The following SLC30A9 variants were observed in gnomAD, a reference collection of about 807,000 sequenced individuals.
The protein encoded by SLC30A9 is proton-coupled zinc antiporter SLC30A9, mitochondrial.
A neutral mutation model predicts 87.5 loss-of-function variants in SLC30A9; 58 were observed. The ratio of observed to expected loss-of-function variants is 0.66; its 90% CI spans 0.54 to 0.82. The LOEUF (loss-of-function observed/expected upper bound fraction) is 0.82, where lower values mean the gene tolerates loss of function less well. SLC30A9 is among the 40% of genes least tolerant of loss of function. The pLI, the probability that SLC30A9 is intolerant of heterozygous loss-of-function variation, is 0.00. For synonymous variants in SLC30A9, 234 were observed against 233.0 expected, an observed-to-expected ratio of 1.00 and a Z score of -0.04; for missense variants, 557 against 679.1, an observed-to-expected ratio of 0.82 and a Z score of 2.00.
At chr4:42,059,962 A>T (rs988702393) in intron 9 of SLC30A9, among the ~76,000 whole-genome samples, 1 of 151,796 alleles carries the variant, frequency 6.6e-6, no homozygotes, top group African/African-American at 2.4e-5. Context: ...GATTTTTTTT[A>T]GGTTGCTTTC....
intron 2 of SLC30A9, among the ~76,000 whole-genome samples, chr4:42,012,292 G>T (rs1715478722): frequency 6.6e-6 from 1 of 152,126 alleles, no homozygotes; most frequent in South Asian, 2.1e-4. Flanking sequence ...GCAAAAATAT[G>T]CAGAAAGCAA....
At chr4:42,028,954 A>T (rs2343620) in intron 6 of SLC30A9, among the ~76,000 whole-genome samples, 190 of 152,360 alleles carry the variant, frequency 1.2e-3, no homozygotes, top group Non-Finnish European at 1.6e-3. Context: ...ACAGTGCTTA[A>T]ATACAAAACT....
chr4:41,992,483 T>C (rs1714494509), intron 1 of SLC30A9, among the ~76,000 whole-genome samples: 1 of 152,228 alleles, frequency 6.6e-6, no homozygotes. Context: ...GGCTGTTAAA[T>C]TTAGTCTAAA....
chr4:41,990,668 C>T lies in SLC30A9; in HGVS notation c.17C>T (p.Ala6Val), dbSNP rs1470848595. The T allele has an allele frequency of 6.2e-7, 1 of 1,606,120 alleles. No individual in the cohort carries two copies. The highest frequency in any genetic ancestry group is 1.7e-4 in the Middle Eastern group (1 of 5,930). Residue 6 changes from alanine (A) to valine (V), a missense_variant, in exon 1 of 18, where the codon GCC (alanine) becomes GTC (valine). Physicochemically the swap from Ala to Val is moderately conservative, Grantham distance 64. This residue lies in a region of SLC30A9 where 467 missense variants were observed against 529.8 expected (regional missense o/e 0.88). Coordinates refer to ENST00000264451, the MANE Select transcript of SLC30A9 (RefSeq NM_006345.4). ...CCCACCAGGATGTTACCCGGCTTGG[C>T]CGCCGCCGCGGCCCACAGATGTAGC... MLPGL[A>V]AAAAHRCSWS...
At chr4:42,043,758 A>G (rs1262060948) in intron 8 of SLC30A9, among the ~76,000 whole-genome samples, 1 of 152,214 alleles carries the variant, frequency 6.6e-6, no homozygotes, top group Non-Finnish European at 1.5e-5. Flanking sequence ...ACCTCAAGTC[A>G]CATAATCATC....
Position 42,066,556 on chromosome 4 carries a change from T to C in SLC30A9, c.1079T>C (p.Leu360Pro). Residue 360 changes from leucine to proline, a missense_variant, in exon 13 of 18, where the codon CTT (leucine) becomes CCT (proline). Physicochemically the swap from Leu to Pro is moderately conservative, Grantham distance 98. This residue lies in a region of SLC30A9 where 467 missense variants were observed against 529.8 expected (regional missense o/e 0.88). Coordinates refer to ENST00000264451, the MANE Select transcript of SLC30A9 (RefSeq NM_006345.4). Reference protein sequence around the residue: ...AGSLVSEGATLLVAVNELRRN... With the variant: ...AGSLVSEGATPLVAVNELRRN... The stretch of plus-strand genomic sequence containing the variant: ...ATGAATGCTTTTCTTTTAGCAACAC[T>C]TCTTGTTGCTGTAAATGAACTTCGT... 1 of 1,601,206 alleles carries C rather than the reference T, an allele frequency of 6.2e-7. No homozygotes were observed. Among genetic ancestry groups the C allele is most frequent in the South Asian group, 1.1e-5 (1 of 89,650 alleles).
At chr4:42,063,262 T>C (rs1481369877) in intron 11 of SLC30A9, 141 bp downstream of exon 11, 2 of 584,038 alleles carry the variant, frequency 3.4e-6, no homozygotes, top group Admixed American at 7.4e-5. Flanking sequence ...ATATCTATAG[T>C]TTAATTTTTA....
In SLC30A9 at chr4:42,019,852, T is replaced by C. The variant is rs1156928123; in HGVS notation, c.335-564T>C. ...CTTTGTAGCCCAGGCTGGAGTGCAG[T>C]GGCATGATCTGGCTCACTGCAACCT... On this transcript the variant is annotated intron_variant, in intron 3 of 17. Coordinates refer to ENST00000264451, the MANE Select transcript of SLC30A9 (RefSeq NM_006345.4). Among the ~76,000 whole-genome samples the C allele has an allele frequency of 2.0e-5, 3 of 152,226 alleles. No individual in the cohort carries two copies. In the South Asian group the frequency reaches 6.2e-4, roughly 32 times the overall value.
chr4:42,020,666 T>C, intron 4 of SLC30A9, 151 bp downstream of exon 4: 1 of 484,832 alleles, frequency 2.1e-6, no homozygotes, highest in African/African-American at 2.0e-5. Flanking sequence ...CAGTCAAAAA[T>C]GTTAAAAATT....
In SLC30A9 at chr4:42,018,130, A is replaced by G; in HGVS notation, c.294A>G (p.Glu98=). 6.4e-7 allele frequency: 1 copy of G among 1,564,462 alleles called. No homozygotes were observed. The highest frequency in any genetic ancestry group is 8.8e-7 in the Non-Finnish European group (1 of 1,137,960). ...SFETAEGIGT[E]LKAPLKQEPL... ...TTACAGCAGAAGGTATAGGCACAGAACTCAAAGCTCCACTTAAGCAAGAAC... is the reference window on the plus strand; with the variant it reads ...TTACAGCAGAAGGTATAGGCACAGAGCTCAAAGCTCCACTTAAGCAAGAAC... Residue 98 remains glutamate (E), a synonymous_variant, in exon 3 of 18, where the codon GAA becomes GAG. Transcript: ENST00000264451.
At chr4:42,048,952 T>G (rs1375281450) in intron 8 of SLC30A9, among the ~76,000 whole-genome samples, 1 of 151,974 alleles carries the variant, frequency 6.6e-6, no homozygotes, top group Non-Finnish European at 1.5e-5. Flanking sequence ...ATTGTACTTG[T>G]TTTTTTTGTT....
chr4:42,028,625 T>C (rs1266891826), intron 6 of SLC30A9, among the ~76,000 whole-genome samples: 1 of 152,234 alleles, frequency 6.6e-6, no homozygotes, highest in Non-Finnish European at 1.5e-5. Flanking sequence ...ATATTTGTCA[T>C]GAGTAGGAAC....
At chr4:41,994,346 T>TTTACTAA (rs1714598897) in intron 1 of SLC30A9, among the ~76,000 whole-genome samples, 2 of 152,074 alleles carry the variant, frequency 1.3e-5, no homozygotes, top group Non-Finnish European at 2.9e-5. Flanking sequence ...AGAATAAAAA[T>TTTACTAA]GTTACTTAGT....
At position 42,001,787 on chromosome 4, in the gene SLC30A9, G is replaced by T; in HGVS notation, c.274+7G>T. 8.2e-6 allele frequency: 13 copies of T among 1,592,068 alleles called. No individual in the cohort carries two copies. The highest frequency in any genetic ancestry group is 2.2e-5 in the East Asian group (1 of 44,488). ...GTACCATCATTTGAAACAGGTATGT[G>T]TAATTTTTTTAATGTACTTTTTTCT... On this transcript the variant is annotated splice_region_variant and intron_variant, in intron 2 of 17. Transcript: ENST00000264451.
chr4:42,015,581 C>G (rs546751094), intron 2 of SLC30A9, among the ~76,000 whole-genome samples: 1 of 152,234 alleles, frequency 6.6e-6, no homozygotes, highest in Non-Finnish European at 1.5e-5. Flanking sequence ...CCCCTACTAC[C>G]CCATCTGCTC....
intron 1 of SLC30A9, among the ~76,000 whole-genome samples, chr4:41,997,907 G>A (rs1330197306): frequency 6.6e-6 from 1 of 152,206 alleles, no homozygotes; most frequent in Non-Finnish European, 1.5e-5. Context: ...AAATCTAGAA[G>A]ACAGGCTGCA....
Position 42,070,579 on chromosome 4 carries a change from A to G in SLC30A9, c.1306A>G (p.Met436Val), listed in dbSNP as rs1307549674. The G allele has an allele frequency of 2.5e-6, 4 of 1,613,506 alleles. No individual in the cohort carries two copies. The East Asian group carries it at 6.7e-5, about 27-fold the overall frequency. Residue 436 changes from methionine to valine, a missense_variant, in exon 15 of 18, where the codon ATG (methionine) becomes GTG (valine). Physicochemically the swap from Met to Val is conservative, Grantham distance 21 (BLOSUM62 1). This residue lies in a region of SLC30A9 where 467 missense variants were observed against 529.8 expected (regional missense o/e 0.88). Coordinates refer to ENST00000264451, the MANE Select transcript of SLC30A9 (RefSeq NM_006345.4). ...TTTGGGTGTGGGCACCTTATTAGGC[A>G]TGGTCTCAGCATTCCTCATCTACAC... is the stretch of plus-strand genomic sequence containing the variant. Reference protein sequence around the residue: ...GSLGVGTLLGMVSAFLIYTNT... With the variant: ...GSLGVGTLLGVVSAFLIYTNT...
At chr4:42,017,331 G>A (rs1272576065) in intron 2 of SLC30A9, among the ~76,000 whole-genome samples, 1 of 146,902 alleles carries the variant, frequency 6.8e-6, no homozygotes, top group Non-Finnish European at 1.5e-5. Flanking sequence ...GATTCTATTT[G>A]TTGGAAATAT....
At position 42,060,236 on chromosome 4, in the gene SLC30A9, C is replaced by T. The variant is rs1717789158; in HGVS notation, c.886C>T (p.Pro296Ser). Residue 296 changes from proline to serine, a missense_variant, in exon 10 of 18, where the codon CCT (proline) becomes TCT (serine). Around this residue, in one of 2 missense-constraint regions of SLC30A9, gnomAD observed 467 missense variants for 529.8 expected, o/e 0.88. Coordinates refer to ENST00000264451, the MANE Select transcript of SLC30A9 (RefSeq NM_006345.4). Reference protein sequence around the residue: ...GISKSVQTPDPSHPYGFSNMR... With the variant: ...GISKSVQTPDSSHPYGFSNMR... ...CAGTAAGTCTGTTCAAACACCAGAT[C>T]CTTCTCATCCGTAAGGACATTGCCT... The T allele has an allele frequency of 6.2e-7, 1 of 1,611,190 alleles. No homozygotes were observed.
Sources: gnomAD v4.1 joint callset for allele counts (sites outside exome capture counted in the v4.1 genomes callset) on GRCh38, gnomAD v4.1.1 for gene constraint, gnomAD v4.1.1 regional missense constraint, MANE v1.5 for transcripts, NCBI Gene and HGNC (gene_info 2026-07-23, HGNC 2026-07-21) for gene names.